Variants in SNX29 observed in about 807,000 individuals in gnomAD.
SNX29 encodes sorting nexin-29.
SNX29 carries 78 observed loss-of-function variants against 102.1 expected under a neutral mutation model. That is an observed-to-expected ratio of 0.76 (90% CI 0.64 to 0.92). SNX29 has a LOEUF of 0.92. SNX29 is among the 40% of genes least tolerant of loss of function. The pLI, the probability that SNX29 is intolerant of heterozygous loss-of-function variation, is 0.00. For missense variants in SNX29, 1,280 were observed against 1,061.7 expected (o/e 1.21, Z -2.86); for synonymous variants, 580 against 414.5 (o/e 1.40, Z -4.85).
intron 19 of SNX29, among the ~76,000 whole-genome samples, chr16:12,510,874 G>T (rs377567646): frequency 6.6e-6 from 1 of 152,080 alleles, no homozygotes; most frequent in South Asian, 2.1e-4. Flanking sequence ...CATCCAGCCT[G>T]TGCCAAGCAC....
chr16:12,462,150 C>G (rs1219293044), intron 18 of SNX29, among the ~76,000 whole-genome samples: 1 of 151,268 alleles, frequency 6.6e-6, no homozygotes, highest in African/African-American at 2.4e-5. Flanking sequence ...TGGGCTCGAT[C>G]TCTTGCCATA....
chr16:12,059,147 G>A (rs930265572), intron 8 of SNX29, among the ~76,000 whole-genome samples: 2 of 152,124 alleles, frequency 1.3e-5, no homozygotes, highest in Admixed American at 6.5e-5. Context: ...TCCTCTTGGG[G>A]CCTGGCTTCA....
chr16:12,424,154 A>G (rs940086396), intron 18 of SNX29, among the ~76,000 whole-genome samples: 11 of 152,166 alleles, frequency 7.2e-5, no homozygotes, highest in African/African-American at 2.7e-4. Context: ...TCAGAAGCCA[A>G]TTTCTCTTCC....
intron 15 of SNX29, among the ~76,000 whole-genome samples, chr16:12,301,117 T>A (rs536414940): frequency 1.3e-5 from 2 of 152,328 alleles, no homozygotes; most frequent in East Asian, 1.9e-4. Flanking sequence ...TTTCTCTCTT[T>A]CCCTCACTGT....
intron 20 of SNX29, among the ~76,000 whole-genome samples, chr16:12,559,632 T>C (rs577838986): frequency 6.6e-6 from 1 of 152,140 alleles, no homozygotes; most frequent in Non-Finnish European, 1.5e-5. Context: ...CACATGGCCC[T>C]GTATCCAAAT....
At chr16:12,393,955 C>G (rs760681865) in intron 16 of SNX29, among the ~76,000 whole-genome samples, 1 of 152,128 alleles carries the variant, frequency 6.6e-6, no homozygotes, top group African/African-American at 2.4e-5. Context: ...CAGAGGAAGC[C>G]CAGGATTAGA....
Position 12,570,307 on chromosome 16 carries a change from G to A in SNX29, c.*1678G>A, listed in dbSNP as rs1450091468. ...CAGTTTGCGAGTGTGGAGGACCCGAGACATCCTGTAAAGGCAACTTGGTCT... is the reference window on the plus strand; with the variant it reads ...CAGTTTGCGAGTGTGGAGGACCCGAAACATCCTGTAAAGGCAACTTGGTCT... On this transcript the variant is annotated 3_prime_UTR_variant, in exon 21 of 21. Transcript: ENST00000566228. 1.5e-5 allele frequency: 15 copies of A among 1,033,460 alleles called. No individual in the cohort carries two copies. The highest frequency in any genetic ancestry group is 4.2e-4 in the Middle Eastern group (1 of 2,356). The allele number at this position is 1,033,460 out of a possible 1,614,324, so 64.0% of individuals were successfully genotyped here. A position where few individuals can be genotyped will look rare whatever the true frequency, so the allele number is the denominator to read the frequency against.
chr16:12,529,181 G>T (rs752537373), intron 20 of SNX29, among the ~76,000 whole-genome samples: 13 of 152,208 alleles, frequency 8.5e-5, no homozygotes, highest in Non-Finnish European at 1.2e-4. Flanking sequence ...CCGGTGGGAA[G>T]TGGGGCATTT....
intron 19 of SNX29, among the ~76,000 whole-genome samples, chr16:12,524,132 C>T (rs1367906679): frequency 3.3e-5 from 5 of 152,122 alleles, no homozygotes; most frequent in South Asian, 2.1e-4. Context: ...GTGATCCGCC[C>T]GCGTCTGCAT....
Position 12,470,879 on chromosome 16 carries a change from A to G in SNX29, c.2038-6840A>G, listed in dbSNP as rs1266783298. Reference sequence around the variant, plus strand: ...CAGCTGCCATTGCTTATTGCCTGCCAGGCATGGGCGAGGCACGACACCTCA... The same window carrying G: ...CAGCTGCCATTGCTTATTGCCTGCCGGGCATGGGCGAGGCACGACACCTCA... On this transcript the variant is annotated intron_variant, in intron 18 of 20. Coordinates refer to ENST00000566228, the MANE Select transcript of SNX29 (RefSeq NM_032167.5). Among the ~76,000 whole-genome samples, 3 of 152,336 alleles carry G rather than the reference A, an allele frequency of 2.0e-5. No homozygotes were observed. The East Asian group carries it at 5.8e-4, about 29-fold the overall frequency.
intron 11 of SNX29, among the ~76,000 whole-genome samples, chr16:12,093,298 G>A (rs1436057825): frequency 6.6e-6 from 1 of 152,206 alleles, no homozygotes; most frequent in African/African-American, 2.4e-5. Context: ...GGGTCAGGCA[G>A]ACCACAGCAC....
chr16:12,536,862 G>A (rs530180292), intron 20 of SNX29, among the ~76,000 whole-genome samples: 4 of 152,154 alleles, frequency 2.6e-5, no homozygotes, highest in South Asian at 2.1e-4. Context: ...TGTAATTGTA[G>A]CTACTTGGGA....
At chr16:12,022,644 C>G (rs1260707493) in intron 3 of SNX29, among the ~76,000 whole-genome samples, 2 of 152,190 alleles carry the variant, frequency 1.3e-5, no homozygotes, top group Non-Finnish European at 2.9e-5. Flanking sequence ...TAGAGAACCA[C>G]TGATTAAATG....
intron 9 of SNX29, among the ~76,000 whole-genome samples, chr16:12,068,121 C>T (rs1252314644): frequency 6.6e-6 from 1 of 152,072 alleles, no homozygotes; most frequent in African/African-American, 2.4e-5. Context: ...ATTCATTATA[C>T]CCGGTTTCTG....
In SNX29 at chr16:12,573,049, T is replaced by C. The variant is rs983029901; in HGVS notation, c.*4420T>C. 38 of 236,256 alleles carry C rather than the reference T, an allele frequency of 1.6e-4. No individual in the cohort carries two copies. Among genetic ancestry groups the C allele is most frequent in the African/African-American group, 7.5e-4 (34 of 45,258 alleles). The allele number at this position is 236,256 out of a possible 1,614,324, so 14.6% of individuals were successfully genotyped here. On this transcript the variant is annotated 3_prime_UTR_variant, in exon 21 of 21. Coordinates refer to ENST00000566228, the MANE Select transcript of SNX29 (RefSeq NM_032167.5). ...ATTGGCGTCCGTGCTAATTCTGCAGTTGTAGCACTGTATATTTTATCTCAT... is the reference window on the plus strand; with the variant it reads ...ATTGGCGTCCGTGCTAATTCTGCAGCTGTAGCACTGTATATTTTATCTCAT...
At chr16:12,056,695 A>G (rs563796353) in intron 8 of SNX29, among the ~76,000 whole-genome samples, 3 of 152,218 alleles carry the variant, frequency 2.0e-5, no homozygotes, top group African/African-American at 7.2e-5. Flanking sequence ...ATGTCTGAAG[A>G]AGTCTTGTTT....
intron 14 of SNX29, among the ~76,000 whole-genome samples, chr16:12,242,265 G>T (rs1482882722): frequency 6.6e-6 from 1 of 151,576 alleles, no homozygotes; most frequent in Admixed American, 6.6e-5. Flanking sequence ...GGAGGAGAAG[G>T]AAGCTACCAG....
intron 19 of SNX29, among the ~76,000 whole-genome samples, chr16:12,508,632 C>T (rs918407954): frequency 2.6e-5 from 4 of 152,236 alleles, no homozygotes; most frequent in African/African-American, 9.6e-5. Context: ...TCCGCCAGAG[C>T]GTCCCTCCCG....
chr16:12,425,903 G>T (rs991238169), intron 18 of SNX29, among the ~76,000 whole-genome samples: 6 of 152,092 alleles, frequency 3.9e-5, no homozygotes, highest in East Asian at 3.9e-4. Flanking sequence ...AAAACTTGGT[G>T]TGTTTTCTGC....
Sources: allele counts gnomAD v4.1 joint callset (sites outside exome capture counted in the v4.1 genomes callset), GRCh38; gene constraint gnomAD v4.1.1; transcripts MANE v1.5; gene names NCBI Gene and HGNC (gene_info 2026-07-23, HGNC 2026-07-21).